The following ZBTB20 variants were observed in gnomAD, a reference collection of about 807,000 sequenced individuals.
ZBTB20 encodes zinc finger and BTB domain-containing protein 20.
ZBTB20 carries 9 observed loss-of-function variants against 56.9 expected under a neutral mutation model. That is an observed-to-expected ratio of 0.16 (90% CI 0.10 to 0.28). The LOEUF is 0.28. ZBTB20 is among the 10% of genes least tolerant of loss of function. The pLI is 1.00. For missense variants in ZBTB20, 655 were observed against 1,003.0 expected (o/e 0.65, Z 4.69); for synonymous variants, 417 against 420.7 (o/e 0.99, Z 0.11).
chr3:115,062,974 ATCTG>A (rs2082066298), intron 2 of ZBTB20, among the ~76,000 whole-genome samples: 1 of 152,196 alleles, frequency 6.6e-6, no homozygotes, highest in Admixed American at 6.6e-5. Context: ...ATGAAAGTTT[ATCTG>A]TCTTTTTCTA....
chr3:114,775,509 C>T (rs2069530664), intron 5 of ZBTB20, among the ~76,000 whole-genome samples: 1 of 148,826 alleles, frequency 6.7e-6, no homozygotes. Context: ...ACCTCTTTTC[C>T]TTGAGATCTT....
At chr3:114,841,278 T>C (rs6791168) in intron 4 of ZBTB20, among the ~76,000 whole-genome samples, 88,463 of 152,002 alleles carry the variant, frequency 0.58, 29,707 homozygotes, top group East Asian at 0.96. Context: ...GGTGAGCACA[T>C]GGGGGAAGAA....
chr3:115,042,039 G>A (rs948447405), intron 2 of ZBTB20, among the ~76,000 whole-genome samples: 1 of 151,948 alleles, frequency 6.6e-6, no homozygotes, highest in African/African-American at 2.4e-5. Flanking sequence ...AATCCCTCAA[G>A]AGCTGTCATC....
intron 2 of ZBTB20, among the ~76,000 whole-genome samples, chr3:115,007,668 TTCTC>T (rs1303909353): frequency 6.6e-6 from 1 of 151,900 alleles, no homozygotes; most frequent in Non-Finnish European, 1.5e-5. Flanking sequence ...TACCACTTTC[TTCTC>T]TATTATTTCT....
rs1397658284 is a variant in ZBTB20 at position 114,323,829 on chromosome 3, T to C, written c.*15176A>G. 1 of 152,110 alleles carries C rather than the reference T, an allele frequency of 6.6e-6. No homozygotes were observed. The highest frequency in any genetic ancestry group is 1.5e-5 in the Non-Finnish European group (1 of 68,022). 9.4% of individuals were successfully genotyped at this position (152,110 alleles called of 1,614,324 possible). A position where few individuals can be genotyped will look rare whatever the true frequency, so the allele number is the denominator to read the frequency against. On this transcript the variant is annotated 3_prime_UTR_variant, in exon 12 of 12. Coordinates refer to ENST00000675478, the MANE Select transcript of ZBTB20 (RefSeq NM_001348800.3). ...CTGCTAAGATCAAGCATGATGAAAA[T>C]AACTCTGCATTTTAGTGATGCTCCT...
chr3:114,432,563 G>C (rs1242863668), intron 7 of ZBTB20, among the ~76,000 whole-genome samples: 2 of 152,168 alleles, frequency 1.3e-5, no homozygotes, highest in African/African-American at 4.8e-5. Flanking sequence ...ACATGTCCCT[G>C]CATTCGGCAA....
chr3:114,495,335 C>A (rs1443747942), intron 7 of ZBTB20, among the ~76,000 whole-genome samples: 1 of 151,940 alleles, frequency 6.6e-6, no homozygotes, highest in Non-Finnish European at 1.5e-5. Flanking sequence ...CAAGGTACAA[C>A]GGAAATGGCT....
At chr3:114,587,257 A>G (rs2055277936) in intron 6 of ZBTB20, among the ~76,000 whole-genome samples, 1 of 152,064 alleles carries the variant, frequency 6.6e-6, no homozygotes, top group African/African-American at 2.4e-5. Context: ...TCGGCCTCTC[A>G]AAGTGCTGGG....
At chr3:114,760,232 A>G (rs2068338410) in intron 5 of ZBTB20, among the ~76,000 whole-genome samples, 1 of 152,192 alleles carries the variant, frequency 6.6e-6, no homozygotes, top group African/African-American at 2.4e-5. Context: ...TTTATTGAGC[A>G]TCTACTCTAT....
At chr3:114,729,794 A>AT (rs2065591362) in intron 5 of ZBTB20, among the ~76,000 whole-genome samples, 1 of 151,396 alleles carries the variant, frequency 6.6e-6, no homozygotes, top group African/African-American at 2.4e-5. Flanking sequence ...TATATGTAGG[A>AT]TTTTCTTTTC....
At chr3:114,736,650 A>C (rs2066182038) in intron 5 of ZBTB20, among the ~76,000 whole-genome samples, 1 of 152,182 alleles carries the variant, frequency 6.6e-6, no homozygotes, top group Admixed American at 6.6e-5. Flanking sequence ...TGGTTATCAA[A>C]ATTGGGCATA....
In ZBTB20 at chr3:114,332,377, G is replaced by A. The variant is rs989623921; in HGVS notation, c.*6628C>T. 2 of 152,184 alleles carry A rather than the reference G, an allele frequency of 1.3e-5. No homozygotes were observed. The highest frequency in any genetic ancestry group is 4.8e-5 in the African/African-American group (2 of 41,452). 9.4% of individuals were successfully genotyped at this position (152,184 alleles called of 1,614,324 possible). On this transcript the variant is annotated 3_prime_UTR_variant, in exon 12 of 12. Transcript: ENST00000675478. ...TATAGAGAAAGAAAGCTTTTTGCTG[G>A]ATTGTTCTCCTTGTTAAGGAAATGT...
At chr3:115,055,597 T>C (rs2081746233) in intron 2 of ZBTB20, among the ~76,000 whole-genome samples, 1 of 142,986 alleles carries the variant, frequency 7.0e-6, no homozygotes, top group Non-Finnish European at 1.6e-5. Context: ...ACCGTTACAA[T>C]GAGATAATAG....
intron 4 of ZBTB20, among the ~76,000 whole-genome samples, chr3:114,818,394 G>T (rs764018637): frequency 3.3e-5 from 5 of 151,994 alleles, no homozygotes; most frequent in Non-Finnish European, 5.9e-5. Context: ...AATCAATTAT[G>T]CTAAGTCCTT....
At chr3:114,604,057 C>A (rs2056962096) in intron 6 of ZBTB20, among the ~76,000 whole-genome samples, 1 of 151,962 alleles carries the variant, frequency 6.6e-6, no homozygotes, top group Non-Finnish European at 1.5e-5. Context: ...ATTTATCCTG[C>A]AGATAAACTT....
chr3:114,718,231 T>C (rs1271591410), intron 5 of ZBTB20, among the ~76,000 whole-genome samples: 1 of 152,166 alleles, frequency 6.6e-6, no homozygotes, highest in African/African-American at 2.4e-5. Context: ...CAAACACTTG[T>C]TCTTTGAGGT....
At chr3:115,028,343 G>A (rs2080512524) in intron 2 of ZBTB20, among the ~76,000 whole-genome samples, 1 of 150,678 alleles carries the variant, frequency 6.6e-6, no homozygotes, top group Non-Finnish European at 1.5e-5. Flanking sequence ...ATTGAATTAG[G>A]ACTGGATGCA....
chr3:114,739,087 A>C (rs1164301702), intron 5 of ZBTB20, among the ~76,000 whole-genome samples: 1 of 152,152 alleles, frequency 6.6e-6, no homozygotes, highest in African/African-American at 2.4e-5. Context: ...CAACGTATTG[A>C]AGTGGAAAGA....
At chr3:114,987,074 C>T (rs1043947101) in intron 2 of ZBTB20, among the ~76,000 whole-genome samples, 1 of 151,918 alleles carries the variant, frequency 6.6e-6, no homozygotes, top group Non-Finnish European at 1.5e-5. Context: ...TAAAGTTTAC[C>T]ATTAAATTAT....
Sources: allele counts gnomAD v4.1 joint callset (sites outside exome capture counted in the v4.1 genomes callset), GRCh38; gene constraint gnomAD v4.1.1; transcripts MANE v1.5; gene names NCBI Gene and HGNC (gene_info 2026-07-23, HGNC 2026-07-21).